ZNF681: variants seen among roughly 807,000 people sequenced by gnomAD.
ZNF681 encodes the protein hypothetical protein FLJ31526.
A neutral mutation model predicts 56.0 loss-of-function variants in ZNF681; 37 were observed. The observed-to-expected ratio is 0.66, with a 90% CI of 0.51 to 0.87. The LOEUF (loss-of-function observed/expected upper bound fraction) is 0.87. Among genes scored for constraint, ZNF681 ranks in the 40% least tolerant of loss-of-function variants. The pLI is 0.00. For missense variants in ZNF681, 741 were observed against 744.9 expected, an observed-to-expected ratio of 0.99 and a Z score of 0.06; for synonymous variants, 225 against 248.6, an observed-to-expected ratio of 0.91 and a Z score of 0.89.
At chr19:23,745,525 TC>T (rs1328638287) in intron 3 of ZNF681, among the ~76,000 whole-genome samples, 1 of 149,304 alleles carries the variant, frequency 6.7e-6, no homozygotes, top group Non-Finnish European at 1.5e-5. Context: ...TGATCTCAGC[TC>T]ACTGCAACTG....
chr19:23,757,853 A>T (rs979062210), intron 1 of ZNF681, among the ~76,000 whole-genome samples: 6 of 149,544 alleles, frequency 4.0e-5, no homozygotes, highest in Non-Finnish European at 7.4e-5. Flanking sequence ...AACTTACCTT[A>T]AAAAAAAAAT....
chr19:23,745,881 T>A (rs139031533), intron 3 of ZNF681, among the ~76,000 whole-genome samples: 4 of 152,108 alleles, frequency 2.6e-5, no homozygotes, highest in African/African-American at 7.2e-5. Context: ...AAGAGCCACA[T>A]AGAAAGAAAA....
intron 3 of ZNF681, among the ~76,000 whole-genome samples, chr19:23,745,535 T>G (rs1012906790): frequency 6.7e-6 from 1 of 150,244 alleles, no homozygotes; most frequent in African/African-American, 2.5e-5. Context: ...TCACTGCAAC[T>G]GCTACCTCCC....
At chr19:23,747,889 T>G (rs993267413) in intron 3 of ZNF681, among the ~76,000 whole-genome samples, 2 of 152,060 alleles carry the variant, frequency 1.3e-5, no homozygotes, top group African/African-American at 4.8e-5. Flanking sequence ...TTAAATAATC[T>G]TTTACAACTT....
intron 1 of ZNF681, 44 bp downstream of exon 1, chr19:23,758,703 C>G: frequency 6.2e-7 from 1 of 1,614,168 alleles, no homozygotes; most frequent in South Asian, 1.1e-5. Context: ...AGTCCCGCCA[C>G]AGCCCCTTCC....
chr19:23,744,783 C>G lies in ZNF681; in HGVS notation c.767G>C (p.Arg256Pro), dbSNP rs568322294. The change falls in exon 4 of 4, where the codon CGT (arginine) becomes CCT (proline). Residue 256 changes from arginine to proline, a missense_variant. By Grantham distance (103) the Arg-to-Pro change is moderately radical. Coordinates refer to ENST00000402377, the MANE Select transcript of ZNF681 (RefSeq NM_138286.3). ...IIYTRDKLYKREECSKAFNLS... is the reference protein window; with the variant it reads ...IIYTRDKLYKPEECSKAFNLS... Reference sequence around the variant, plus strand: ...GTTAAAGGCTTTGCTACATTCTTCACGTTTGTAGAGTTTGTCTCTAGTATA... The same window carrying G: ...GTTAAAGGCTTTGCTACATTCTTCAGGTTTGTAGAGTTTGTCTCTAGTATA... 4 of 1,612,786 alleles carry G rather than the reference C, an allele frequency of 2.5e-6. No individual in the cohort carries two copies. In the South Asian group the frequency reaches 3.3e-5, roughly 13 times the overall value.
intron 3 of ZNF681, among the ~76,000 whole-genome samples, chr19:23,753,754 G>A (rs1178066333): frequency 6.6e-6 from 1 of 150,794 alleles, no homozygotes; most frequent in East Asian, 2.0e-4. Context: ...CCAGCTACTC[G>A]GAGGGACTGA....
chr19:23,745,035 T>C lies in ZNF681; in HGVS notation c.515A>G (p.Tyr172Cys), dbSNP rs761861045. 1.9e-6 allele frequency: 3 copies of C among 1,588,896 alleles called. No homozygotes were observed. Among genetic ancestry groups the C allele is most frequent in the Non-Finnish European group, 2.6e-6 (3 of 1,168,240 alleles). ...GCAAAATGATTTGCCAAATTCTTTA[T>C]ATTTAAAAGGTTTTTTTCTGGTGTG... ...VRHTRKKPFKYKEFGKSFCIF... is the reference protein window; with the variant it reads ...VRHTRKKPFKCKEFGKSFCIF... Residue 172 changes from tyrosine to cysteine, a missense_variant, in exon 4 of 4, where the codon TAT (tyrosine) becomes TGT (cysteine). Tyr to Cys is a radical substitution (Grantham distance 194). Coordinates refer to ENST00000402377, the MANE Select transcript of ZNF681 (RefSeq NM_138286.3).
At position 23,743,677 on chromosome 19, in the gene ZNF681, T is replaced by C. The variant is rs1311221830; in HGVS notation, c.1873A>G (p.Ser625Gly). 1 of 1,591,244 alleles carries C rather than the reference T, an allele frequency of 6.3e-7. No homozygotes were observed. Among genetic ancestry groups the C allele is most frequent in the African/African-American group, 1.3e-5 (1 of 74,082 alleles). Reference protein sequence around the residue: ...EKLYKPKRCNSDFENTSKFSK... With the variant: ...EKLYKPKRCNGDFENTSKFSK... ...AACTTTGAAGTGTTTTCAAAATCACTGTTACATCTTTTAGGTTTGTAGAGT... is the reference window on the plus strand; with the variant it reads ...AACTTTGAAGTGTTTTCAAAATCACCGTTACATCTTTTAGGTTTGTAGAGT... Residue 625 changes from serine to glycine, a missense_variant, in exon 4 of 4, where the codon AGT becomes GGT. Ser to Gly is a moderately conservative substitution (Grantham distance 56). Transcript: ENST00000402377.
At chr19:23,749,430 T>G (rs974128183) in intron 3 of ZNF681, among the ~76,000 whole-genome samples, 4 of 152,166 alleles carry the variant, frequency 2.6e-5, no homozygotes, top group Non-Finnish European at 5.9e-5. Context: ...TGAATACACT[T>G]AACATGTCTG....
chr19:23,755,554 G>A lies in ZNF681; in HGVS notation c.4-3C>T. ...ACATCCCTAAATTTCAATGGTTCCTGAAAAACACACACACACACACACACA... is the reference window on the plus strand; with the variant it reads ...ACATCCCTAAATTTCAATGGTTCCTAAAAAACACACACACACACACACACA... On this transcript the variant is annotated splice_polypyrimidine_tract_variant and splice_region_variant and intron_variant, in intron 1 of 3. Coordinates refer to ENST00000402377, the MANE Select transcript of ZNF681 (RefSeq NM_138286.3). 1.4e-6 allele frequency: 2 copies of A among 1,434,652 alleles called. No homozygotes were observed. Among genetic ancestry groups the A allele is most frequent in the Non-Finnish European group, 9.3e-7 (1 of 1,074,416 alleles). The allele number at this position is 1,434,652 out of a possible 1,614,324, so 88.9% of individuals were successfully genotyped here.
At chr19:23,747,504 G>A (rs1025416212) in intron 3 of ZNF681, among the ~76,000 whole-genome samples, 3 of 151,810 alleles carry the variant, frequency 2.0e-5, no homozygotes, top group Admixed American at 1.3e-4. Flanking sequence ...GCCGGGCGTG[G>A]TGGCGGGCAC....
intron 3 of ZNF681, among the ~76,000 whole-genome samples, chr19:23,752,429 T>G (rs1969045698): frequency 6.6e-6 from 1 of 152,192 alleles, no homozygotes; most frequent in Non-Finnish European, 1.5e-5. Flanking sequence ...TCTGCCTATG[T>G]TAAAGCCCAC....
At chr19:23,746,268 TG>T (rs1256210801) in intron 3 of ZNF681, among the ~76,000 whole-genome samples, 1 of 151,562 alleles carries the variant, frequency 6.6e-6, no homozygotes, top group Non-Finnish European at 1.5e-5. Context: ...GAGCCAAGAT[TG>T]TGCCACTGCA....
At position 23,743,938 on chromosome 19, in the gene ZNF681, C is replaced by G. The variant is rs1968902486; in HGVS notation, c.1612G>C (p.Glu538Gln). The G allele has an allele frequency of 2.5e-6, 4 of 1,606,288 alleles. No homozygotes were observed. In the East Asian group the frequency reaches 9.0e-5, roughly 36 times the overall value. ...HTGEKPYTCE[E>Q]CGKAFNHSSH... ...GAATGGTTAAAGGCTTTGCCACATT[C>G]TTCACATGTGTAGGGTTTCTCTCCA... is the stretch of plus-strand genomic sequence containing the variant. The change falls in exon 4 of 4, where the codon GAA (glutamate) becomes CAA (glutamine). Residue 538 changes from glutamate (E) to glutamine (Q), a missense_variant. Glu to Gln is a conservative substitution (Grantham distance 29). Transcript: ENST00000402377.
rs1173488811 is a variant in ZNF681, at chr19:23,742,054, TTGAG to T, written c.*1554_*1557del. On this transcript the variant is annotated 3_prime_UTR_variant, in exon 4 of 4. Coordinates refer to ENST00000402377, the MANE Select transcript of ZNF681 (RefSeq NM_138286.3). ...TAGTTACCATCATTTACCTATACCC[TTGAG>T]TAAGATGGGATAAGTTAAATTTAAT... is the stretch of plus-strand genomic sequence containing the variant. The T allele has an allele frequency of 1.3e-5, 2 of 152,214 alleles. No homozygotes were observed. The highest frequency in any genetic ancestry group is 2.4e-5 in the African/African-American group (1 of 41,450). 9.4% of individuals were successfully genotyped at this position (152,214 alleles called of 1,614,324 possible).
rs1325798413 is a variant in ZNF681, at chr19:23,743,397, TTGAG to T, written c.*211_*214del. The T allele has an allele frequency of 1.8e-4, 69 of 381,916 alleles. No individual in the cohort carries two copies. Among genetic ancestry groups the T allele is most frequent in the South Asian group, 1.3e-3 (18 of 14,268 alleles). 23.7% of individuals were successfully genotyped at this position (381,916 alleles called of 1,614,324 possible). On this transcript the variant is annotated 3_prime_UTR_variant, in exon 4 of 4. Transcript: ENST00000402377. Reference sequence around the variant, plus strand: ...TTTATTAAGTATGAAATCTCTGATGTTGAGTAAGATGTGAACAGATATTAATGGC... The same window carrying T: ...TTTATTAAGTATGAAATCTCTGATGTTAAGATGTGAACAGATATTAATGGC...
At chr19:23,748,869 A>G (rs994895059) in intron 3 of ZNF681, among the ~76,000 whole-genome samples, 1 of 152,206 alleles carries the variant, frequency 6.6e-6, no homozygotes. Context: ...AAAACATTAA[A>G]TCTGTTGATG....
chr19:23,744,099 C>T lies in ZNF681; in HGVS notation c.1451G>A (p.Gly484Asp). 2 of 1,612,056 alleles carry T rather than the reference C, an allele frequency of 1.2e-6. No homozygotes were observed. Among genetic ancestry groups the T allele is most frequent in the Non-Finnish European group, 1.7e-6 (2 of 1,178,818 alleles). ...GATTGAGGACTGGTTAAAAGCTTTGCCACATTCTTCACATTTGTAGGGTTT... is the reference window on the plus strand; with the variant it reads ...GATTGAGGACTGGTTAAAAGCTTTGTCACATTCTTCACATTTGTAGGGTTT... ...GEKPYKCEECGKAFNQSSILT... is the reference protein window; with the variant it reads ...GEKPYKCEECDKAFNQSSILT... Residue 484 changes from glycine to aspartate, a missense_variant, in exon 4 of 4, where the codon GGC becomes GAC. Physicochemically the swap from Gly to Asp is moderately conservative, Grantham distance 94. Coordinates refer to ENST00000402377, the MANE Select transcript of ZNF681 (RefSeq NM_138286.3).
Sources: gnomAD v4.1 joint callset for allele counts (sites outside exome capture counted in the v4.1 genomes callset) on GRCh38, gnomAD v4.1.1 for gene constraint, MANE v1.5 for transcripts, NCBI Gene and HGNC (gene_info 2026-07-23, HGNC 2026-07-21) for gene names.